The following SYNJ1 variants were observed in gnomAD, a reference collection of about 807,000 sequenced individuals.
The protein encoded by SYNJ1 is synaptojanin 1.
In SYNJ1, 78 loss-of-function variants were observed where a neutral mutation model predicts 168.2. That is an observed-to-expected ratio of 0.46 (90% CI 0.39 to 0.56). The LOEUF is 0.56. SYNJ1 is among the 20% of genes least tolerant of loss of function. The pLI, the probability that SYNJ1 is intolerant of heterozygous loss-of-function variation, is 0.00. For synonymous variants in SYNJ1, 539 were observed against 548.6 expected, an observed-to-expected ratio of 0.98 and a Z score of 0.24; for missense variants, 1,303 against 1,597.6, an observed-to-expected ratio of 0.82 and a Z score of 3.14.
rs1348650614 is a variant in SYNJ1, at chr21:32,726,769, T to C, written c.124+3A>G. ...ACAAATTGGGCTCTAACAGATGACT[T>C]ACAGAGCACAGCGACAGCCCCAGAC... On this transcript the variant is annotated splice_donor_region_variant and intron_variant, in intron 2 of 32. Coordinates refer to ENST00000674351, the MANE Select transcript of SYNJ1 (RefSeq NM_203446.3). The C allele has an allele frequency of 3.1e-6, 5 of 1,613,998 alleles. No homozygotes were observed. Among genetic ancestry groups the C allele is most frequent in the Non-Finnish European group, 4.2e-6 (5 of 1,180,018 alleles).
intron 2 of SYNJ1, among the ~76,000 whole-genome samples, chr21:32,703,807 G>C (rs1442141398): frequency 6.6e-6 from 1 of 151,846 alleles, no homozygotes; most frequent in Non-Finnish European, 1.5e-5. Context: ...TTGACCTCCA[G>C]GGCTCAAGTA....
At chr21:32,640,236 T>C (rs2039769621) in intron 29 of SYNJ1, among the ~76,000 whole-genome samples, 1 of 151,900 alleles carries the variant, frequency 6.6e-6, no homozygotes, top group Admixed American at 6.6e-5. Context: ...TACAAGGAGA[T>C]AGAGAGATAC....
At chr21:32,661,312 G>C (rs2040691857) in intron 18 of SYNJ1, among the ~76,000 whole-genome samples, 1 of 152,204 alleles carries the variant, frequency 6.6e-6, no homozygotes, top group Non-Finnish European at 1.5e-5. Context: ...AGGCCCCACG[G>C]TTCCACCCAG....
At chr21:32,696,714 A>G (rs962897777) in intron 4 of SYNJ1, among the ~76,000 whole-genome samples, 1 of 152,180 alleles carries the variant, frequency 6.6e-6, no homozygotes, top group African/African-American at 2.4e-5. Context: ...ACTCACAGCA[A>G]TAGCCCCAAC....
rs1275854378 is a variant in SYNJ1 at position 32,639,688 on chromosome 21, G to A, written c.3680C>T (p.Thr1227Ile). 6.2e-7 allele frequency: 1 copy of A among 1,613,996 alleles called. No individual in the cohort carries two copies. The highest frequency in any genetic ancestry group is 8.5e-7 in the Non-Finnish European group (1 of 1,179,976). The change falls in exon 30 of 33, where the codon ACA (threonine) becomes ATA (isoleucine). Residue 1227 changes from threonine (T) to isoleucine (I), a missense_variant. Thr to Ile is a moderately conservative substitution (Grantham distance 89, BLOSUM62 -1). This residue lies in a region of SYNJ1 where 383 missense variants were observed against 388.8 expected (regional missense o/e 0.99). Coordinates refer to ENST00000674351, the MANE Select transcript of SYNJ1 (RefSeq NM_203446.3). ...GRLTPESQSKTSETSKGSTFL... is the reference protein window; with the variant it reads ...GRLTPESQSKISETSKGSTFL... ...GGACCTACCTTTCGACGTTTCTGAT[G>A]TTTTGCTTTGGCTTTCAGGAGTCAG...
At chr21:32,659,555 A>G (rs2040595625) in intron 18 of SYNJ1, among the ~76,000 whole-genome samples, 1 of 152,154 alleles carries the variant, frequency 6.6e-6, no homozygotes, top group Admixed American at 6.6e-5. Flanking sequence ...TCAGGCCTGT[A>G]TGGAAAAGCA....
intron 2 of SYNJ1, among the ~76,000 whole-genome samples, chr21:32,716,449 T>C (rs1306084731): frequency 1.3e-5 from 2 of 152,234 alleles, no homozygotes; most frequent in Non-Finnish European, 2.9e-5. Flanking sequence ...TTTGGTTTGG[T>C]TTCTTCCTTC....
chr21:32,673,222 G>C (rs1254700690), intron 14 of SYNJ1, 118 bp downstream of exon 14: 5 of 846,098 alleles, frequency 5.9e-6, no homozygotes, highest in Non-Finnish European at 5.0e-6. Context: ...GTCTTCAAAT[G>C]TATAGCTCCA....
At chr21:32,678,055 G>GC (rs1555900114) in intron 12 of SYNJ1, among the ~76,000 whole-genome samples, 2 of 151,524 alleles carry the variant, frequency 1.3e-5, no homozygotes, top group Non-Finnish European at 2.9e-5. Flanking sequence ...GATAGGAGAA[G>GC]TTTTTTTTTA....
chr21:32,720,435 T>C (rs1489729001), intron 2 of SYNJ1, among the ~76,000 whole-genome samples: 2 of 152,198 alleles, frequency 1.3e-5, no homozygotes, highest in Non-Finnish European at 2.9e-5. Context: ...TATTCTGTAA[T>C]AAAGATCTCA....
At chr21:32,706,234 G>A (rs567017051) in intron 2 of SYNJ1, among the ~76,000 whole-genome samples, 1 of 152,142 alleles carries the variant, frequency 6.6e-6, no homozygotes, top group African/African-American at 2.4e-5. Context: ...TCCATTTAAG[G>A]AGACTAAAGA....
At chr21:32,633,275 G>A (rs965662958) in intron 32 of SYNJ1, among the ~76,000 whole-genome samples, 13 of 152,106 alleles carry the variant, frequency 8.5e-5, no homozygotes, top group Non-Finnish European at 1.8e-4. Flanking sequence ...AGAGTGCTTG[G>A]AATTCCTTCA....
intron 4 of SYNJ1, among the ~76,000 whole-genome samples, chr21:32,697,327 G>A (rs144322170): frequency 8.5e-5 from 13 of 152,154 alleles, no homozygotes; most frequent in Non-Finnish European, 1.5e-4. Flanking sequence ...AAAAGTTCCC[G>A]TTTTTCTATA....
Position 32,700,078 on chromosome 21 carries a change from A to G in SYNJ1, c.239T>C (p.Leu80Pro). 1 of 1,613,794 alleles carries G rather than the reference A, an allele frequency of 6.2e-7. No individual in the cohort carries two copies. Among genetic ancestry groups the G allele is most frequent in the Non-Finnish European group, 8.5e-7 (1 of 1,179,882 alleles). The change falls in exon 4 of 33, where the codon CTA becomes CCA. Residue 80 changes from leucine (L) to proline (P), a missense_variant. By Grantham distance (98) the Leu-to-Pro change is moderately conservative (BLOSUM62 -3). Around this residue, in one of 2 missense-constraint regions of SYNJ1, gnomAD observed 920 missense variants for 1,208.8 expected, o/e 0.76. Coordinates refer to ENST00000674351, the MANE Select transcript of SYNJ1 (RefSeq NM_203446.3). ...TCCAACAGACATACATCCAGTGACT[A>G]GGACCAGATAATGTAACATAGTATC... ...LGDTMLHYLV[L>P]VTGCMSVGKI...
intron 1 of SYNJ1, 77 bp from the exon 2 acceptor site, chr21:32,726,994 T>C: frequency 6.5e-7 from 1 of 1,527,672 alleles, no homozygotes; most frequent in Non-Finnish European, 8.8e-7. Context: ...CATCCAAAAG[T>C]CCCTCCCCGC....
rs1244807022 is a variant in SYNJ1, at chr21:32,676,316, A to T, written c.1534+16T>A. ...AAAAATTGCTTTTATTTATAGATTG[A>T]TTTTCTATACTGTACCTGACTGTAA... On this transcript the variant is annotated intron_variant, in intron 13 of 32. Coordinates refer to ENST00000674351, the MANE Select transcript of SYNJ1 (RefSeq NM_203446.3). 1.3e-5 allele frequency: 20 copies of T among 1,558,916 alleles called. No homozygotes were observed. The highest frequency in any genetic ancestry group is 1.6e-5 in the Non-Finnish European group (18 of 1,155,294).
intron 18 of SYNJ1, among the ~76,000 whole-genome samples, chr21:32,658,755 C>T (rs1289440308): frequency 6.6e-6 from 1 of 152,196 alleles, no homozygotes; most frequent in East Asian, 1.9e-4. Context: ...TACCAGAACT[C>T]CCCCTCCTAC....
intron 32 of SYNJ1, among the ~76,000 whole-genome samples, chr21:32,632,183 T>C (rs2039356963): frequency 6.6e-6 from 1 of 152,244 alleles, no homozygotes; most frequent in Non-Finnish European, 1.5e-5. Flanking sequence ...TAAATCTATA[T>C]AAATAAAATT....
chr21:32,654,477 G>A (rs920302370), intron 21 of SYNJ1, among the ~76,000 whole-genome samples: 5 of 152,128 alleles, frequency 3.3e-5, no homozygotes, highest in African/African-American at 1.2e-4. Flanking sequence ...GTTGGCAATG[G>A]AGACTATCCC....
Sources: allele counts gnomAD v4.1 joint callset (sites outside exome capture counted in the v4.1 genomes callset), GRCh38; gene constraint gnomAD v4.1.1; regional missense constraint gnomAD v4.1.1; transcripts MANE v1.5; gene names NCBI Gene and HGNC (gene_info 2026-07-23, HGNC 2026-07-21).